TMEM237: variants seen among roughly 807,000 people sequenced by gnomAD.
TMEM237 encodes transmembrane protein 237.
A neutral mutation model predicts 59.1 loss-of-function variants in TMEM237; 51 were observed. The observed-to-expected ratio is 0.86, with a 90% CI of 0.69 to 1.09. The LOEUF is 1.09. Among genes scored for constraint, TMEM237 ranks in the 50% least tolerant of loss-of-function variants. TMEM237 has a pLI of 0.00. For missense variants in TMEM237, 475 were observed against 478.3 expected (o/e 0.99, Z 0.06); for synonymous variants, 140 against 166.1 (o/e 0.84, Z 1.21).
At chr2:201,629,962 C>A in intron 7 of TMEM237, 110 bp from the exon 8 acceptor site, 1 of 1,365,964 alleles carries the variant, frequency 7.3e-7, no homozygotes. Flanking sequence ...TGAAATATTG[C>A]TGTTCTATCT....
intron 7 of TMEM237, 144 bp downstream of exon 7, chr2:201,631,907 G>GA (rs1293714405): frequency 2.4e-5 from 19 of 796,426 alleles, no homozygotes; most frequent in Non-Finnish European, 3.9e-6. Flanking sequence ...TCACTCTCAT[G>GA]AATCATAGCA....
At chr2:201,637,883 T>G (rs1237415956) in intron 4 of TMEM237, among the ~76,000 whole-genome samples, 2 of 152,204 alleles carry the variant, frequency 1.3e-5, no homozygotes, top group African/African-American at 4.8e-5. Flanking sequence ...GATTGATTAT[T>G]GTCCAATGTT....
At chr2:201,640,316 A>G in intron 2 of TMEM237, 51 bp from the exon 3 acceptor site, 1 of 1,508,482 alleles carries the variant, frequency 6.6e-7, no homozygotes, top group East Asian at 2.4e-5. Flanking sequence ...ACAAAGACAA[A>G]AAAGAAACAA....
intron 1 of TMEM237, 54 bp from the exon 2 acceptor site, chr2:201,640,978 T>C: frequency 6.6e-7 from 1 of 1,524,756 alleles, no homozygotes; most frequent in African/African-American, 1.4e-5. Context: ...GCATCTTTAC[T>C]TCAAATACCA....
intron 7 of TMEM237, 79 bp downstream of exon 7, chr2:201,631,972 T>A (rs568458076): frequency 1.3e-6 from 2 of 1,485,714 alleles, no homozygotes; most frequent in East Asian, 2.3e-5. Context: ...AATTCCTTAA[T>A]TCAGATTTCC....
intron 1 of TMEM237, chr2:201,642,693 G>T: frequency 1.3e-6 from 2 of 1,591,218 alleles, no homozygotes; most frequent in Non-Finnish European, 1.7e-6. Context: ...CTCCCGGCTC[G>T]GTCGCGCGCG....
In TMEM237 at chr2:201,620,457, T is replaced by C. The variant is rs1957688928; in HGVS notation, c.*3798A>G. ...CAGCCTAAATAACAGAGAGGGAGAC[T>C]CTCTGAAAGAAAATGATGTTTATTC... On this transcript the variant is annotated 3_prime_UTR_variant, in exon 13 of 13. Transcript: ENST00000409883. The C allele has an allele frequency of 6.6e-6, 1 of 152,164 alleles. No individual in the cohort carries two copies. The highest frequency in any genetic ancestry group is 6.6e-5 in the Admixed American group (1 of 15,266). The allele number at this position is 152,164 out of a possible 1,614,324, so 9.4% of individuals were successfully genotyped here. A position where few individuals can be genotyped will look rare whatever the true frequency, so the allele number is the denominator to read the frequency against.
In TMEM237 at chr2:201,624,144, T is replaced by C. The variant is rs1000003070; in HGVS notation, c.*111A>G. On this transcript the variant is annotated 3_prime_UTR_variant, in exon 13 of 13. Transcript: ENST00000409883. ...AATATTGAGAGATGTTTCAGTATTA[T>C]ATAATCAAAAAATCTATTACAAATA... 3.0e-6 allele frequency: 2 copies of C among 669,562 alleles called. No homozygotes were observed. Among genetic ancestry groups the C allele is most frequent in the East Asian group, 3.0e-5 (1 of 33,854 alleles). 41.5% of individuals were successfully genotyped at this position (669,562 alleles called of 1,614,324 possible). A position where few individuals can be genotyped will look rare whatever the true frequency, so the allele number is the denominator to read the frequency against.
chr2:201,627,244 G>T, intron 11 of TMEM237, 77 bp downstream of exon 11: 3 of 1,028,498 alleles, frequency 2.9e-6, no homozygotes, highest in African/African-American at 1.6e-5. Flanking sequence ...ATTATTTGCA[G>T]TTGAAAAAGA....
intron 4 of TMEM237, 110 bp from the exon 5 acceptor site, chr2:201,636,995 C>T (rs1687308303): frequency 8.9e-7 from 1 of 1,128,534 alleles, no homozygotes; most frequent in South Asian, 1.8e-5. Flanking sequence ...ATAACCCCAT[C>T]TCTTTCAGAA....
intron 4 of TMEM237, among the ~76,000 whole-genome samples, chr2:201,638,077 G>A (rs1407535626): frequency 6.6e-6 from 1 of 152,142 alleles, no homozygotes; most frequent in African/African-American, 2.4e-5. Context: ...ACTATTTTAT[G>A]CAGAACTGCA....
In TMEM237 at chr2:201,623,086, C is replaced by T. The variant is rs1957725091; in HGVS notation, c.*1169G>A. On this transcript the variant is annotated 3_prime_UTR_variant, in exon 13 of 13. Transcript: ENST00000409883. ...TTTTCGGCAGCTCCAGCCTTACAAA[C>T]AGCAAAAGAGATTCCCAGTATAATG... is the stretch of plus-strand genomic sequence containing the variant. 5.7e-6 allele frequency: 1 copy of T among 175,790 alleles called. No individual in the cohort carries two copies. The highest frequency in any genetic ancestry group is 1.3e-5 in the Non-Finnish European group (1 of 78,820). The allele number at this position is 175,790 out of a possible 1,614,324, so 10.9% of individuals were successfully genotyped here. A position where few individuals can be genotyped will look rare whatever the true frequency, so the allele number is the denominator to read the frequency against.
Position 201,640,931 on chromosome 2 carries a change from C to A in TMEM237, c.43-7G>T. On this transcript the variant is annotated splice_polypyrimidine_tract_variant and splice_region_variant and intron_variant, in intron 1 of 12. Coordinates refer to ENST00000409883, the MANE Select transcript of TMEM237 (RefSeq NM_001044385.3). ...GAAGAGCTCGTGGAGGACGCTGTGG[C>A]GGAAAAAATAAATTTGCTTGTAAGT... is the stretch of plus-strand genomic sequence containing the variant. 6.3e-7 allele frequency: 1 copy of A among 1,598,272 alleles called. No homozygotes were observed. The highest frequency in any genetic ancestry group is 1.1e-5 in the South Asian group (1 of 89,052).
At chr2:201,641,730 T>TACACAC (rs10673016) in intron 1 of TMEM237, among the ~76,000 whole-genome samples, 75,741 of 150,644 alleles carry the variant, frequency 0.5, 19,060 homozygotes, top group East Asian at 0.69. Flanking sequence ...ATACACAAGA[T>TACACAC]ACACACACAC....
At chr2:201,629,906 C>T (rs1957794514) in intron 7 of TMEM237, 54 bp from the exon 8 acceptor site, 1 of 1,574,516 alleles carries the variant, frequency 6.4e-7, no homozygotes, top group East Asian at 2.3e-5. Flanking sequence ...CCCTGGTAGC[C>T]ATTTTTTTTT....
chr2:201,636,240 G>C (rs1687295057), intron 5 of TMEM237: 1 of 152,296 alleles, frequency 6.6e-6, no homozygotes, highest in Non-Finnish European at 1.5e-5. Context: ...CTGTATCTAT[G>C]CTCCTATGAG....
intron 5 of TMEM237, 111 bp downstream of exon 5, chr2:201,636,637 A>G (rs1024628288): frequency 7.8e-7 from 1 of 1,283,536 alleles, no homozygotes; most frequent in African/African-American, 1.5e-5. Context: ...TAAAAGCAAG[A>G]AACCACCTGT....
At chr2:201,636,979 T>C (rs532662276) in intron 4 of TMEM237, 94 bp from the exon 5 acceptor site, 3 of 1,284,358 alleles carry the variant, frequency 2.3e-6, no homozygotes, top group Non-Finnish European at 3.1e-6. Flanking sequence ...GAATGTTTCC[T>C]ATAGAATAAC....
chr2:201,627,363 C>T lies in TMEM237; in HGVS notation c.995G>A (p.Arg332Lys), dbSNP rs756659130. ...LSLSQQMTSDRIHLYTPSSVN... is the reference protein window; with the variant it reads ...LSLSQQMTSDKIHLYTPSSVN... ...AGAAGAAGGTGTGTAAAGGTGGATT[C>T]TGTCACTTGTCATTTGCTGACTCAG... The change falls in exon 11 of 13, where the codon AGA becomes AAA. Residue 332 changes from arginine to lysine, a missense_variant. By Grantham distance (26) the Arg-to-Lys change is conservative. Coordinates refer to ENST00000409883, the MANE Select transcript of TMEM237 (RefSeq NM_001044385.3). 6.2e-7 allele frequency: 1 copy of T among 1,608,858 alleles called. No individual in the cohort carries two copies. The highest frequency in any genetic ancestry group is 2.2e-5 in the East Asian group (1 of 44,750).
Sources: gnomAD v4.1 joint callset for allele counts (sites outside exome capture counted in the v4.1 genomes callset) on GRCh38, gnomAD v4.1.1 for gene constraint, MANE v1.5 for transcripts, NCBI Gene and HGNC (gene_info 2026-07-23, HGNC 2026-07-21) for gene names.